Variants in TUT4 observed in about 807,000 individuals in gnomAD.
The protein encoded by TUT4 is terminal uridylyltransferase 4.
TUT4 carries 36 observed loss-of-function variants against 192.2 expected under a neutral mutation model. The observed-to-expected ratio is 0.19, with a 90% CI of 0.14 to 0.25. TUT4 has a LOEUF of 0.25. Ranked by LOEUF, TUT4 falls within the 10% of genes least tolerant of loss-of-function variation. The pLI is 1.00. For synonymous variants in TUT4, 618 were observed against 666.0 expected (o/e 0.93, Z 1.11); for missense variants, 1,493 against 1,957.2 (o/e 0.76, Z 4.47).
intron 24 of TUT4, among the ~76,000 whole-genome samples, chr1:52,444,852 C>A (rs1656896833): frequency 6.7e-6 from 1 of 150,066 alleles, no homozygotes. Context: ...TATTATGGGA[C>A]CTTGTGATCA....
intron 29 of TUT4, chr1:52,424,431 A>G (rs1649120548): frequency 6.3e-6 from 1 of 157,756 alleles, no homozygotes; most frequent in South Asian, 1.8e-4. Flanking sequence ...CTGAGACCAT[A>G]CCAGGCACTT....
chr1:52,473,658 C>G (rs994452488), intron 13 of TUT4, among the ~76,000 whole-genome samples: 4 of 151,602 alleles, frequency 2.6e-5, no homozygotes, highest in African/African-American at 9.7e-5. Context: ...TCAATAACTA[C>G]GATAAAACAA....
intron 1 of TUT4, among the ~76,000 whole-genome samples, chr1:52,547,309 T>C (rs993282349): frequency 2.6e-5 from 4 of 151,726 alleles, no homozygotes; most frequent in Admixed American, 2.6e-4. Flanking sequence ...CAACATCTTA[T>C]TAATCATTAG....
At chr1:52,490,656 C>T (rs572461175) in intron 8 of TUT4, 76 bp downstream of exon 8, 6 of 1,292,348 alleles carry the variant, frequency 4.6e-6, no homozygotes, top group East Asian at 4.9e-5. Context: ...AAAACTTTTT[C>T]TCTTAAAGAT....
intron 4 of TUT4, among the ~76,000 whole-genome samples, chr1:52,505,176 A>G (rs1189455675): frequency 6.6e-6 from 1 of 152,158 alleles, no homozygotes. Context: ...TGGCAGCTAC[A>G]CTACTTTCAT....
chr1:52,491,111 C>A (rs1671035621), intron 7 of TUT4, among the ~76,000 whole-genome samples: 1 of 152,142 alleles, frequency 6.6e-6, no homozygotes. Context: ...AGTTGTTAAA[C>A]CTTCATAGAT....
chr1:52,475,820 T>C (rs1157638079), intron 12 of TUT4, among the ~76,000 whole-genome samples: 1 of 152,132 alleles, frequency 6.6e-6, no homozygotes, highest in Admixed American at 6.5e-5. Flanking sequence ...GTAATTAGTT[T>C]CAATGATGAA....
intron 4 of TUT4, among the ~76,000 whole-genome samples, chr1:52,506,856 C>T (rs75573113): frequency 0.012 from 1,868 of 152,206 alleles, 33 homozygotes; most frequent in African/African-American, 0.043. Flanking sequence ...TGACTAAATG[C>T]TACATTATGT....
chr1:52,439,068 T>TAAAAAAAA (rs984014427), intron 24 of TUT4, among the ~76,000 whole-genome samples: 9 of 79,322 alleles, frequency 1.1e-4, no homozygotes, highest in African/African-American at 4.1e-4. Context: ...AGACTCCATC[T>TAAAAAAAA]AAAAAAAAAA....
chr1:52,488,301 A>C (rs952510822), intron 9 of TUT4, among the ~76,000 whole-genome samples: 9 of 152,240 alleles, frequency 5.9e-5, no homozygotes, highest in African/African-American at 2.2e-4. Context: ...AGGAATACAC[A>C]AACAAAAGGC....
intron 19 of TUT4, among the ~76,000 whole-genome samples, chr1:52,458,961 C>T (rs12072217): frequency 0.032 from 4,881 of 151,682 alleles, 182 homozygotes; most frequent in African/African-American, 0.094. Context: ...AAAGTGCAGG[C>T]GCAGGTTTAA....
At chr1:52,496,692 AC>A (rs1672528107) in intron 5 of TUT4, among the ~76,000 whole-genome samples, 2 of 152,224 alleles carry the variant, frequency 1.3e-5, no homozygotes, top group Non-Finnish European at 2.9e-5. Flanking sequence ...AAATGTTTAT[AC>A]TGAAAATAAT....
chr1:52,428,568 G>A lies in TUT4; in HGVS notation c.4711+2445C>T, dbSNP rs923626895. 5.4e-5 allele frequency among the ~76,000 whole-genome samples: 8 copies of A among 149,500 alleles called. No homozygotes were observed. The East Asian group carries it at 1.6e-3, about 30-fold the overall frequency. ...TTGAACCCAGGAAGCGGAGGTTGCAGTGAGCTGAGATCGTGCCACTGCACT... is the reference window on the plus strand; with the variant it reads ...TTGAACCCAGGAAGCGGAGGTTGCAATGAGCTGAGATCGTGCCACTGCACT... On this transcript the variant is annotated intron_variant, in intron 28 of 29. Transcript: ENST00000257177.
intron 2 of TUT4, 36 bp from the exon 3 acceptor site, chr1:52,516,090 A>T (rs1357705697): frequency 1.3e-6 from 2 of 1,545,348 alleles, no homozygotes; most frequent in Non-Finnish European, 1.8e-6. Flanking sequence ...TATCATCAGA[A>T]CTGGTAAATT....
At chr1:52,467,820 C>CAATGTTTTCTCCTTG (rs1557743682) in intron 15 of TUT4, among the ~76,000 whole-genome samples, 1 of 152,142 alleles carries the variant, frequency 6.6e-6, no homozygotes, top group Non-Finnish European at 1.5e-5. Flanking sequence ...GTTCCATCAA[C>CAATGTTTTCTCCTTG]AATGTTTTCT....
At chr1:52,486,472 T>A (rs375714393) in intron 9 of TUT4, among the ~76,000 whole-genome samples, 3 of 152,114 alleles carry the variant, frequency 2.0e-5, no homozygotes, top group Non-Finnish European at 4.4e-5. Flanking sequence ...GTAAATTATA[T>A]ACTAGAATTG....
At chr1:52,527,566 CA>C (rs1326641680) in intron 1 of TUT4, among the ~76,000 whole-genome samples, 4 of 151,670 alleles carry the variant, frequency 2.6e-5, no homozygotes, top group Non-Finnish European at 5.9e-5. Flanking sequence ...ACAACAACAA[CA>C]AAAAGGAACT....
intron 3 of TUT4, chr1:52,515,467 T>C (rs1487709633): frequency 1.9e-5 from 4 of 215,232 alleles, no homozygotes; most frequent in South Asian, 1.4e-4. Flanking sequence ...AAATATTTTA[T>C]GCTTTTCAAG....
At chr1:52,478,118 G>C (rs986040771) in intron 11 of TUT4, among the ~76,000 whole-genome samples, 3 of 152,084 alleles carry the variant, frequency 2.0e-5, no homozygotes, top group Non-Finnish European at 4.4e-5. Context: ...CTGCACATTA[G>C]AATCATGTGG....
Sources: gnomAD v4.1 joint callset for allele counts (sites outside exome capture counted in the v4.1 genomes callset) on GRCh38, gnomAD v4.1.1 for gene constraint, MANE v1.5 for transcripts, NCBI Gene and HGNC (gene_info 2026-07-23, HGNC 2026-07-21) for gene names.